The following IMPG2 variants were observed in gnomAD, a reference collection of about 807,000 sequenced individuals.
IMPG2 encodes interphotoreceptor matrix proteoglycan 2, also known as IPM 200.
A neutral mutation model predicts 129.2 loss-of-function variants in IMPG2; 91 were observed. The ratio of observed to expected loss-of-function variants is 0.70; its 90% CI spans 0.59 to 0.84. The LOEUF is 0.84. Among genes scored for constraint, IMPG2 ranks in the 40% least tolerant of loss-of-function variants. IMPG2 has a pLI of 0.00. For missense variants in IMPG2, 1,430 were observed against 1,461.7 expected (o/e 0.98, Z 0.35); for synonymous variants, 510 against 517.7 (o/e 0.99, Z 0.20).
In IMPG2 at chr3:101,256,211, A is replaced by AAG. The variant is rs766597042; in HGVS notation, c.1153+1316_1153+1317dup. 3.3e-4 allele frequency among the ~76,000 whole-genome samples: 50 copies of AAG among 150,690 alleles called. 1 individual carries two copies. Among genetic ancestry groups the AAG allele is most frequent in the African/African-American group, 1.0e-3 (41 of 40,994 alleles). On this transcript the variant is annotated intron_variant, in intron 10 of 18. Transcript: ENST00000193391. ...AAAGAAAGAAAGAAAGAAAGAAAGA[A>AAG]AGAAAGAAAAAAATATCTTATTTGG...
chr3:101,262,234 G>C (rs1167363911), intron 9 of IMPG2, among the ~76,000 whole-genome samples: 1 of 151,902 alleles, frequency 6.6e-6, no homozygotes, highest in Non-Finnish European at 1.5e-5. Flanking sequence ...TATATAAATT[G>C]GGTATACCAG....
chr3:101,284,855 C>CT (rs557951495), intron 4 of IMPG2, among the ~76,000 whole-genome samples: 1 of 151,756 alleles, frequency 6.6e-6, no homozygotes, highest in South Asian at 2.1e-4. Context: ...ATAATTTAAC[C>CT]TTTTTTTTAA....
chr3:101,272,114 C>CACACAT (rs1165298913), intron 7 of IMPG2, among the ~76,000 whole-genome samples: 12 of 151,714 alleles, frequency 7.9e-5, no homozygotes, highest in African/African-American at 2.7e-4. Flanking sequence ...CACACACACA[C>CACACAT]ACACACATAC....
At chr3:101,256,669 AG>A (rs1186044383) in intron 10 of IMPG2, among the ~76,000 whole-genome samples, 1 of 152,150 alleles carries the variant, frequency 6.6e-6, no homozygotes, top group Admixed American at 6.6e-5. Flanking sequence ...TGTGGGAGCT[AG>A]AGAGGCTGTA....
rs951514969 is a variant in IMPG2 at position 101,257,692 on chromosome 3, G to A, written c.990C>T (p.Ser330=). 2 of 1,613,434 alleles carry A rather than the reference G, an allele frequency of 1.2e-6. No individual in the cohort carries two copies. The highest frequency in any genetic ancestry group is 1.7e-6 in the Non-Finnish European group (2 of 1,179,578). ...CAAGGCCATGGTTTTCCACCTTGTTGGAGTGAAGGCTAATGAGGTCCCAGG... is the reference window on the plus strand; with the variant it reads ...CAAGGCCATGGTTTTCCACCTTGTTAGAGTGAAGGCTAATGAGGTCCCAGG... ...NTTWDLISLH[S]NKVENHGLVE... The change falls in exon 10 of 19, where the codon TCC becomes TCT. Residue 330 remains serine (S), a synonymous_variant. Transcript: ENST00000193391.
intron 4 of IMPG2, among the ~76,000 whole-genome samples, chr3:101,288,062 C>G (rs1324871376): frequency 3.9e-5 from 6 of 151,908 alleles, no homozygotes; most frequent in Non-Finnish European, 7.4e-5. Flanking sequence ...GCAAATAACC[C>G]CATTAAAAAG....
chr3:101,269,576 G>C lies in IMPG2; in HGVS notation c.829-3C>G. The C allele has an allele frequency of 6.4e-7, 1 of 1,553,824 alleles. No individual in the cohort carries two copies. The highest frequency in any genetic ancestry group is 1.4e-5 in the African/African-American group (1 of 73,708). On this transcript the variant is annotated splice_region_variant and splice_polypyrimidine_tract_variant and intron_variant, in intron 7 of 18. Coordinates refer to ENST00000193391, the MANE Select transcript of IMPG2 (RefSeq NM_016247.4). The stretch of plus-strand genomic sequence containing the variant: ...AACCCAGTAAATGCATTTTCAACCT[G>C]TTAAAAGTACAAATAAAAATGATAA...
Position 101,244,532 on chromosome 3 carries a change from C to T in IMPG2, c.1799G>A (p.Gly600Asp). 1 of 1,599,510 alleles carries T rather than the reference C, an allele frequency of 6.3e-7. No homozygotes were observed. The highest frequency in any genetic ancestry group is 8.5e-7 in the Non-Finnish European group (1 of 1,172,328). The part of the protein sequence containing the change: ...SMEKELIFDG[G>D]LGSGSGQKVD... ...CTTTTGCCCAGACCCTGAACCTAAA[C>T]CACCGTCAAATATTAACTCTTTTTC... The change falls in exon 13 of 19, where the codon GGT becomes GAT. Residue 600 changes from glycine to aspartate, a missense_variant. By Grantham distance (94) the Gly-to-Asp change is moderately conservative. Transcript: ENST00000193391.
At chr3:101,230,828 T>G in intron 16 of IMPG2, 129 bp downstream of exon 16, 2 of 781,222 alleles carry the variant, frequency 2.6e-6, no homozygotes, top group Non-Finnish European at 4.4e-6. Context: ...AAGGACCATG[T>G]GTTTATTCAA....
At position 101,244,782 on chromosome 3, in the gene IMPG2, C is replaced by T; in HGVS notation, c.1549G>A (p.Ala517Thr). ...AAATCTTCTGACTCTTCAACATTGGCTAATCCTAAAAATAAAGTTTTCCAT... is the reference window on the plus strand; with the variant it reads ...AAATCTTCTGACTCTTCAACATTGGTTAATCCTAAAAATAAAGTTTTCCAT... The part of the protein sequence containing the change: ...SGSHLVEDGL[A>T]NVEESEDFLS... The change falls in exon 13 of 19, where the codon GCC (alanine) becomes ACC (threonine). Residue 517 changes from alanine (A) to threonine (T), a missense_variant. Physicochemically the swap from Ala to Thr is moderately conservative, Grantham distance 58. Coordinates refer to ENST00000193391, the MANE Select transcript of IMPG2 (RefSeq NM_016247.4). 2 of 1,613,208 alleles carry T rather than the reference C, an allele frequency of 1.2e-6. No individual in the cohort carries two copies. Among genetic ancestry groups the T allele is most frequent in the African/African-American group, 1.3e-5 (1 of 75,028 alleles).
chr3:101,229,328 A>G, intron 17 of IMPG2, 52 bp downstream of exon 17: 1 of 355,508 alleles, frequency 2.8e-6, no homozygotes, highest in Non-Finnish European at 5.0e-6. Context: ...CTGCTCCCCC[A>G]CACACACACC....
chr3:101,257,816 G>A (rs2107235068), intron 9 of IMPG2, 43 bp from the exon 10 acceptor site: 2 of 1,609,290 alleles, frequency 1.2e-6, no homozygotes, highest in Non-Finnish European at 1.7e-6. Flanking sequence ...AGCTAAGGAA[G>A]CACAAAGAAA....
At chr3:101,273,559 TG>T (rs1287678698) in intron 7 of IMPG2, 21 bp downstream of exon 7, 7 of 1,610,628 alleles carry the variant, frequency 4.3e-6, no homozygotes, top group Non-Finnish European at 5.9e-6. Context: ...CTGCCTTGTT[TG>T]TTTTTTTTTT....
chr3:101,233,096 C>T, intron 14 of IMPG2, 105 bp from the exon 15 acceptor site: 1 of 954,792 alleles, frequency 1.0e-6, no homozygotes, highest in Non-Finnish European at 1.7e-6. Flanking sequence ...GGGACAACTC[C>T]TTTCCAGAAC....
chr3:101,307,008 T>C (rs1576771440), intron 2 of IMPG2, among the ~76,000 whole-genome samples: 2 of 152,300 alleles, frequency 1.3e-5, no homozygotes, highest in East Asian at 1.9e-4. Context: ...AGAACTGGTA[T>C]TTAGGGCACT....
chr3:101,267,582 G>A, intron 8 of IMPG2, 51 bp from the exon 9 acceptor site: 1 of 1,424,690 alleles, frequency 7.0e-7, no homozygotes, highest in Non-Finnish European at 9.9e-7. Context: ...AGTTATTATT[G>A]TCACATCATT....
rs1706844083 is a variant in IMPG2, at chr3:101,276,731, T to G, written c.534-18A>C. The G allele has an allele frequency of 1.3e-6, 2 of 1,598,070 alleles. No individual in the cohort carries two copies. The highest frequency in any genetic ancestry group is 2.7e-5 in the African/African-American group (2 of 74,612). ...GTTCAGAGCTAGAAAAAAAAATGTT[T>G]GCAGTTAATAAAATGACAGACACAT... On this transcript the variant is annotated intron_variant, in intron 4 of 18. Transcript: ENST00000193391.
At chr3:101,262,301 C>T (rs1436245878) in intron 9 of IMPG2, among the ~76,000 whole-genome samples, 3 of 151,872 alleles carry the variant, frequency 2.0e-5, no homozygotes, top group African/African-American at 4.8e-5. Flanking sequence ...ATAATGAGTA[C>T]ATTTTAAAAG....
At chr3:101,258,434 G>T (rs780779225) in intron 9 of IMPG2, among the ~76,000 whole-genome samples, 1 of 151,756 alleles carries the variant, frequency 6.6e-6, no homozygotes, top group Admixed American at 6.6e-5. Flanking sequence ...TTCTTGGCCT[G>T]GTAGGAAAAA....
Sources: allele counts gnomAD v4.1 joint callset (sites outside exome capture counted in the v4.1 genomes callset), GRCh38; gene constraint gnomAD v4.1.1; transcripts MANE v1.5; gene names NCBI Gene and HGNC (gene_info 2026-07-23, HGNC 2026-07-21).